The following PRR16 variants were observed in gnomAD, a reference collection of about 807,000 sequenced individuals.
The protein encoded by PRR16 is proline rich 16.
PRR16 carries 6 observed loss-of-function variants against 18.2 expected under a neutral mutation model. That is an observed-to-expected ratio of 0.33 (90% CI 0.18 to 0.65). PRR16 has a LOEUF of 0.65. Among genes scored for constraint, PRR16 ranks in the 30% least tolerant of loss-of-function variants. The pLI is 0.74. For missense variants in PRR16, 412 were observed against 376.6 expected (o/e 1.09, Z -0.78); for synonymous variants, 151 against 147.8 (o/e 1.02, Z -0.16).
chr5:120,778,931 A>AT, the PRR16 span, among the ~76,000 whole-genome samples: 1 of 152,190 alleles, frequency 6.6e-6, no homozygotes, highest in East Asian at 1.9e-4. Flanking sequence ...CAAGTAATAA[A>AT]TTAAAAATGG....
chr5:120,578,736 G>A (rs924196157), intron 1 of PRR16, among the ~76,000 whole-genome samples: 1 of 152,156 alleles, frequency 6.6e-6, no homozygotes, highest in East Asian at 1.9e-4. Context: ...ATAGTAGAAT[G>A]ATTTATATTC....
intron 1 of PRR16, among the ~76,000 whole-genome samples, chr5:120,630,778 A>G (rs1755026316): frequency 6.6e-6 from 1 of 152,156 alleles, no homozygotes; most frequent in Non-Finnish European, 1.5e-5. Flanking sequence ...CCAGCAAATG[A>G]TCAACTTCCT....
intron 1 of PRR16, among the ~76,000 whole-genome samples, chr5:120,466,454 G>T (rs982525496): frequency 1.3e-5 from 2 of 152,144 alleles, no homozygotes; most frequent in African/African-American, 2.4e-5. Context: ...ACAGAATTCT[G>T]CATCTGTGAG....
At chr5:120,661,917 G>A (rs886865800) in intron 1 of PRR16, among the ~76,000 whole-genome samples, 4 of 152,092 alleles carry the variant, frequency 2.6e-5, no homozygotes, top group African/African-American at 9.7e-5. Flanking sequence ...CTAAGAAATG[G>A]TTCAACAATT....
chr5:120,732,605 T>A, the PRR16 span, among the ~76,000 whole-genome samples: 1 of 152,114 alleles, frequency 6.6e-6, no homozygotes, highest in Non-Finnish European at 1.5e-5. Context: ...CTGATGGGGA[T>A]AGGTTGTGCC....
chr5:120,755,304 G>C, the PRR16 span, among the ~76,000 whole-genome samples: 1 of 152,080 alleles, frequency 6.6e-6, no homozygotes, highest in Non-Finnish European at 1.5e-5. Context: ...GCAAGATGCT[G>C]TGGTTTGAAG....
chr5:120,728,651 T>G, the PRR16 span, among the ~76,000 whole-genome samples: 1 of 152,182 alleles, frequency 6.6e-6, no homozygotes, highest in Non-Finnish European at 1.5e-5. Flanking sequence ...GAGAATTTAT[T>G]CAGACTCTAC....
chr5:120,557,916 G>T (rs533652597), intron 1 of PRR16, among the ~76,000 whole-genome samples: 3 of 151,888 alleles, frequency 2.0e-5, no homozygotes, highest in Admixed American at 2.0e-4. Context: ...GGGGGAGGAC[G>T]TAAGGTGTTG....
chr5:120,785,590 TGA>T, the PRR16 span, among the ~76,000 whole-genome samples: 1 of 144,404 alleles, frequency 6.9e-6, no homozygotes, highest in Non-Finnish European at 1.5e-5. Context: ...TTTTTTTTTT[TGA>T]GACAGAGTCT....
the PRR16 span, among the ~76,000 whole-genome samples, chr5:120,722,978 A>G: frequency 6.6e-6 from 1 of 151,608 alleles, no homozygotes; most frequent in Non-Finnish European, 1.5e-5. Flanking sequence ...AATAAGCTAT[A>G]AACTTTTACT....
At chr5:120,501,600 G>A (rs1285676253) in intron 1 of PRR16, among the ~76,000 whole-genome samples, 1 of 152,054 alleles carries the variant, frequency 6.6e-6, no homozygotes, top group African/African-American at 2.4e-5. Flanking sequence ...CCGTATTTTG[G>A]TGCAGATGTC....
chr5:120,692,186 G>C (rs1757216216), downstream of PRR16, among the ~76,000 whole-genome samples: 1 of 152,208 alleles, frequency 6.6e-6, no homozygotes, highest in Admixed American at 6.5e-5. Flanking sequence ...GCCTTAGAAG[G>C]CTGTTGGGAG....
chr5:120,538,475 C>A (rs544460639), intron 1 of PRR16, among the ~76,000 whole-genome samples: 1 of 152,252 alleles, frequency 6.6e-6, no homozygotes, highest in South Asian at 2.1e-4. Context: ...ACATGTAATT[C>A]AATTTATTGG....
chr5:120,507,667 AT>A lies in PRR16; in HGVS notation c.159+43029del, dbSNP rs762674968. On this transcript the variant is annotated intron_variant, in intron 1 of 1. Coordinates refer to ENST00000407149, the MANE Select transcript of PRR16 (RefSeq NM_001300783.2). ...ATGGTTTCATTTTGCTTTGTTTTAT[AT>A]TTTTTTAATTAAAAGTTGCTTTTTT... Among the ~76,000 whole-genome samples, 13 of 152,110 alleles carry A rather than the reference AT, an allele frequency of 8.5e-5. No homozygotes were observed. The South Asian group carries it at 1.5e-3, about 17-fold the overall frequency.
intron 1 of PRR16, among the ~76,000 whole-genome samples, chr5:120,598,229 T>A (rs1753875216): frequency 1.3e-5 from 2 of 151,930 alleles, no homozygotes; most frequent in African/African-American, 2.4e-5. Flanking sequence ...TCTTGTTAAT[T>A]ATTTCTTTTA....
rs1757144965 is a variant in PRR16, at chr5:120,686,848, G to T, written c.*139G>T. ...AGCAAAGTGGCATAAAAATCACCTG[G>T]TAAGTATGCAGCACATTGCTTATAT... On this transcript the variant is annotated 3_prime_UTR_variant, in exon 2 of 2. Coordinates refer to ENST00000407149, the MANE Select transcript of PRR16 (RefSeq NM_001300783.2). 1 of 617,322 alleles carries T rather than the reference G, an allele frequency of 1.6e-6. No homozygotes were observed. Among genetic ancestry groups the T allele is most frequent in the Non-Finnish European group, 2.5e-6 (1 of 401,808 alleles). 38.2% of individuals were successfully genotyped at this position (617,322 alleles called of 1,614,324 possible). A position where few individuals can be genotyped will look rare whatever the true frequency, so the allele number is the denominator to read the frequency against.
At chr5:120,491,411 C>A (rs76663571) in intron 1 of PRR16, among the ~76,000 whole-genome samples, 37 of 149,436 alleles carry the variant, frequency 2.5e-4, no homozygotes, top group Non-Finnish European at 4.6e-4. Flanking sequence ...GATCTAAAGG[C>A]ATATACCCTT....
chr5:120,472,623 G>A (rs1208228082), intron 1 of PRR16, among the ~76,000 whole-genome samples: 1 of 152,038 alleles, frequency 6.6e-6, no homozygotes, highest in Non-Finnish European at 1.5e-5. Flanking sequence ...TTAGCTAATT[G>A]TTTGAGGTTT....
chr5:120,569,883 A>C (rs1358039397), intron 1 of PRR16, among the ~76,000 whole-genome samples: 1 of 152,172 alleles, frequency 6.6e-6, no homozygotes, highest in African/African-American at 2.4e-5. Context: ...AATTAGGGAT[A>C]AAATGAAATA....
Sources: gnomAD v4.1 joint callset for allele counts (sites outside exome capture counted in the v4.1 genomes callset) on GRCh38, gnomAD v4.1.1 for gene constraint, MANE v1.5 for transcripts, NCBI Gene and HGNC (gene_info 2026-07-23, HGNC 2026-07-21) for gene names.